The following TTC17 variants were observed in gnomAD, a reference collection of about 807,000 sequenced individuals.
TTC17 encodes the protein tetratricopeptide repeat protein 17.
In TTC17, 58 loss-of-function variants were observed where a neutral mutation model predicts 143.8. That is an observed-to-expected ratio of 0.40 (90% CI 0.33 to 0.50). The LOEUF (loss-of-function observed/expected upper bound fraction) is 0.50. Among genes scored for constraint, TTC17 ranks in the 20% least tolerant of loss-of-function variants. TTC17 has a pLI of 0.49. For synonymous variants in TTC17, 501 were observed against 497.8 expected, an observed-to-expected ratio of 1.01 and a Z score of -0.09; for missense variants, 1,273 against 1,392.5, an observed-to-expected ratio of 0.91 and a Z score of 1.37.
intron 7 of TTC17, among the ~76,000 whole-genome samples, chr11:43,397,760 C>T (rs1023122250): frequency 6.6e-6 from 1 of 151,954 alleles, no homozygotes; most frequent in African/African-American, 2.4e-5. Flanking sequence ...ACTAAACCAT[C>T]CTATAGTATG....
intron 16 of TTC17, among the ~76,000 whole-genome samples, chr11:43,433,540 C>T (rs553713317): frequency 2.0e-5 from 3 of 152,306 alleles, no homozygotes; most frequent in South Asian, 2.1e-4. Flanking sequence ...ATGCACATGG[C>T]TTGCACAAGA....
At chr11:43,389,517 A>G (rs1857297238) in intron 2 of TTC17, 135 bp from the exon 3 acceptor site, 3 of 785,980 alleles carry the variant, frequency 3.8e-6, no homozygotes, top group Non-Finnish European at 5.7e-6. Context: ...TAAGTTAACT[A>G]AGGGCATTTT....
intron 21 of TTC17, among the ~76,000 whole-genome samples, chr11:43,462,017 A>G (rs1590461996): frequency 6.6e-6 from 1 of 151,740 alleles, no homozygotes; most frequent in East Asian, 1.9e-4. Context: ...ACAATGGCGA[A>G]TATAGACCCA....
In TTC17 at chr11:43,379,256, G is replaced by A. The variant is rs201364792; in HGVS notation, c.183G>A (p.Lys61=). ...QQQVDSPMNL[K]HPHDLVILMR... is the part of the protein sequence containing the mutation. ...AGGTGGATTCACCAATGAACTTGAA[G>A]CATCCTCATGACCTAGTCATATTAA... The change falls in exon 2 of 24, where the codon AAG becomes AAA. Residue 61 remains lysine (K), a synonymous_variant. Coordinates refer to ENST00000039989, the MANE Select transcript of TTC17 (RefSeq NM_018259.6). 3.1e-6 allele frequency: 5 copies of A among 1,612,634 alleles called. No homozygotes were observed. In the African/African-American group the frequency reaches 5.3e-5, roughly 17 times the overall value.
chr11:43,474,095 A>T (rs1011136769), intron 21 of TTC17, among the ~76,000 whole-genome samples: 1 of 152,172 alleles, frequency 6.6e-6, no homozygotes, highest in Non-Finnish European at 1.5e-5. Flanking sequence ...ATTGGAAACA[A>T]CCCAAATGCC....
chr11:43,365,928 G>C (rs1488842973), intron 1 of TTC17, among the ~76,000 whole-genome samples: 4 of 151,910 alleles, frequency 2.6e-5, no homozygotes, highest in Non-Finnish European at 5.9e-5. Context: ...TGTATGCTGA[G>C]AGTATCTGCA....
chr11:43,407,622 A>T, intron 15 of TTC17, 45 bp downstream of exon 15: 2 of 1,525,462 alleles, frequency 1.3e-6, no homozygotes, highest in Non-Finnish European at 1.8e-6. Flanking sequence ...TATGTAGGGT[A>T]ACTCAAATTT....
chr11:43,465,286 T>C (rs929373338), intron 21 of TTC17, among the ~76,000 whole-genome samples: 2 of 152,222 alleles, frequency 1.3e-5, no homozygotes, highest in Non-Finnish European at 2.9e-5. Context: ...ATGGAGGTTC[T>C]ACAACTTCTT....
intron 16 of TTC17, among the ~76,000 whole-genome samples, chr11:43,421,944 G>A (rs1946916262): frequency 1.3e-5 from 2 of 151,090 alleles, no homozygotes; most frequent in Admixed American, 1.3e-4. Flanking sequence ...ACACAAGAGT[G>A]AAATGAACTG....
At chr11:43,409,183 T>G (rs913893672) in intron 15 of TTC17, among the ~76,000 whole-genome samples, 2 of 152,234 alleles carry the variant, frequency 1.3e-5, no homozygotes, top group African/African-American at 4.8e-5. Flanking sequence ...TACCTAATTT[T>G]AAAGCCCTCA....
chr11:43,444,735 A>G (rs1947503156), intron 18 of TTC17, among the ~76,000 whole-genome samples: 1 of 151,532 alleles, frequency 6.6e-6, no homozygotes, highest in African/African-American at 2.4e-5. Context: ...ACACACACAC[A>G]CACACACACA....
At chr11:43,409,707 A>G (rs964396928) in intron 15 of TTC17, among the ~76,000 whole-genome samples, 1 of 152,240 alleles carries the variant, frequency 6.6e-6, no homozygotes, top group Non-Finnish European at 1.5e-5. Context: ...CCACAGGGCA[A>G]ATACTCTAGT....
At position 43,404,161 on chromosome 11, in the gene TTC17, T is replaced by G. The variant is rs1318425703; in HGVS notation, c.1479+17T>G. 6.3e-7 allele frequency: 1 copy of G among 1,591,298 alleles called. No individual in the cohort carries two copies. The highest frequency in any genetic ancestry group is 1.2e-5 in the South Asian group (1 of 86,616). Reference sequence around the variant, plus strand: ...GCATATAGGGTAAGTTAATAGAGGATGACGAAGCAGTTTTCTCAAACTGGC... The same window carrying G: ...GCATATAGGGTAAGTTAATAGAGGAGGACGAAGCAGTTTTCTCAAACTGGC... On this transcript the variant is annotated intron_variant, in intron 11 of 23. Transcript: ENST00000039989.
At chr11:43,384,232 C>G (rs181857328) in intron 2 of TTC17, among the ~76,000 whole-genome samples, 1 of 151,868 alleles carries the variant, frequency 6.6e-6, no homozygotes, top group Admixed American at 6.6e-5. Flanking sequence ...GAAAAAGTAT[C>G]TACTATGCAA....
At chr11:43,386,787 A>G (rs1194909251) in intron 2 of TTC17, among the ~76,000 whole-genome samples, 1 of 152,050 alleles carries the variant, frequency 6.6e-6, no homozygotes, top group Non-Finnish European at 1.5e-5. Context: ...GTATTTATTT[A>G]TTTATTTATT....
At chr11:43,361,802 A>C (rs1488265416) in intron 1 of TTC17, among the ~76,000 whole-genome samples, 2 of 152,216 alleles carry the variant, frequency 1.3e-5, no homozygotes, top group Non-Finnish European at 2.9e-5. Context: ...ACTACCAGGC[A>C]AAGGGCTAAG....
At chr11:43,384,902 A>G (rs376808282) in intron 2 of TTC17, among the ~76,000 whole-genome samples, 4 of 152,318 alleles carry the variant, frequency 2.6e-5, no homozygotes, top group African/African-American at 9.6e-5. Context: ...TTAGATTTAC[A>G]ATGGTAAAGA....
intron 17 of TTC17, 43 bp downstream of exon 17, chr11:43,443,627 C>A: frequency 1.3e-6 from 2 of 1,565,590 alleles, no homozygotes; most frequent in Non-Finnish European, 1.7e-6. Flanking sequence ...TAGCCCATGC[C>A]TTTCAGGGGA....
chr11:43,386,325 T>C (rs1857168098), intron 2 of TTC17, among the ~76,000 whole-genome samples: 1 of 152,236 alleles, frequency 6.6e-6, no homozygotes, highest in Admixed American at 6.5e-5. Flanking sequence ...GGGAACATCA[T>C]AGAGTGTACT....
Sources: gnomAD v4.1 joint callset for allele counts (sites outside exome capture counted in the v4.1 genomes callset) on GRCh38, gnomAD v4.1.1 for gene constraint, MANE v1.5 for transcripts, NCBI Gene and HGNC (gene_info 2026-07-23, HGNC 2026-07-21) for gene names.